The following DACH1 variants were observed in gnomAD, a reference collection of about 807,000 sequenced individuals.
The protein encoded by DACH1 is dachshund homolog 1.
In DACH1, 12 loss-of-function variants were observed where a neutral mutation model predicts 54.2. That is an observed-to-expected ratio of 0.22 (90% CI 0.14 to 0.36). The LOEUF is 0.36. Among genes scored for constraint, DACH1 ranks in the 10% least tolerant of loss-of-function variants. DACH1 has a pLI of 1.00. For missense variants in DACH1, 805 were observed against 929.8 expected (o/e 0.87, Z 1.75); for synonymous variants, 386 against 366.2 (o/e 1.05, Z -0.62).
intron 2 of DACH1, among the ~76,000 whole-genome samples, chr13:71,646,354 A>T (rs1878270650): frequency 6.6e-6 from 1 of 152,136 alleles, no homozygotes; most frequent in Admixed American, 6.5e-5. Flanking sequence ...AAAAAAGAAA[A>T]AAAAAACAAC....
intron 1 of DACH1, among the ~76,000 whole-genome samples, chr13:71,804,982 A>G (rs1271046246): frequency 6.6e-6 from 1 of 152,182 alleles, no homozygotes; most frequent in East Asian, 1.9e-4. Flanking sequence ...TTCACTGTGC[A>G]ATACAGTAGC....
At chr13:71,468,449 A>G (rs1566277285) in intron 10 of DACH1, among the ~76,000 whole-genome samples, 1 of 152,200 alleles carries the variant, frequency 6.6e-6, no homozygotes, top group Non-Finnish European at 1.5e-5. Flanking sequence ...ATTAGCTTCC[A>G]TAGAAGTGCC....
At chr13:71,803,748 G>C (rs1021227835) in intron 1 of DACH1, among the ~76,000 whole-genome samples, 2 of 152,140 alleles carry the variant, frequency 1.3e-5, no homozygotes, top group Admixed American at 1.3e-4. Flanking sequence ...CAAAGAAATA[G>C]TAAGTTTGTA....
chr13:71,581,237 C>T (rs1872830304), intron 3 of DACH1, among the ~76,000 whole-genome samples: 3 of 152,058 alleles, frequency 2.0e-5, no homozygotes, highest in Admixed American at 6.6e-5. Flanking sequence ...GGCACATGCA[C>T]ATATAATAAC....
intron 1 of DACH1, among the ~76,000 whole-genome samples, chr13:71,707,011 T>G (rs1378835325): frequency 5.3e-5 from 8 of 152,216 alleles, no homozygotes; most frequent in Non-Finnish European, 1.2e-4. Context: ...CACATTTGAA[T>G]GTTTTTATTT....
intron 6 of DACH1, among the ~76,000 whole-genome samples, chr13:71,529,183 G>GTTTTTTTTTTGTTTGTTT (rs1299574030): frequency 7.4e-5 from 6 of 80,978 alleles, no homozygotes; most frequent in African/African-American, 2.6e-4. Context: ...TGTGATTTGG[G>GTTTTTTTTTTGTTTGTTT]TTTTTTTTTT....
chr13:71,475,573 C>A, intron 9 of DACH1, 133 bp downstream of exon 9: 1 of 1,117,468 alleles, frequency 8.9e-7, no homozygotes. Flanking sequence ...TTCTTCCCAC[C>A]CTGCTTTCAG....
chr13:71,581,127 C>G (rs994389438), intron 3 of DACH1, among the ~76,000 whole-genome samples: 3 of 151,346 alleles, frequency 2.0e-5, no homozygotes, highest in African/African-American at 7.3e-5. Flanking sequence ...AGCTTCAAAT[C>G]CAGACCAATT....
chr13:71,595,152 C>A (rs1310640092), intron 3 of DACH1, among the ~76,000 whole-genome samples: 1 of 152,000 alleles, frequency 6.6e-6, no homozygotes, highest in African/African-American at 2.4e-5. Flanking sequence ...AAGAAGATGG[C>A]TGGACAATGC....
intron 6 of DACH1, among the ~76,000 whole-genome samples, chr13:71,553,758 A>G (rs1000614964): frequency 6.6e-6 from 1 of 150,786 alleles, no homozygotes; most frequent in African/African-American, 2.4e-5. Flanking sequence ...AATTTACTCA[A>G]TAGTTAAAAC....
chr13:71,687,568 G>C (rs776203984), intron 1 of DACH1, among the ~76,000 whole-genome samples: 5 of 151,988 alleles, frequency 3.3e-5, no homozygotes, highest in Non-Finnish European at 5.9e-5. Flanking sequence ...GAAGATTTTC[G>C]TTTCTCTGTC....
chr13:71,452,789 T>C (rs570619467), intron 10 of DACH1, among the ~76,000 whole-genome samples: 138 of 152,336 alleles, frequency 9.1e-4, no homozygotes, highest in African/African-American at 3.0e-3. Context: ...TTGTAAAGTT[T>C]ATGAAGTCTG....
At chr13:71,720,572 G>T (rs1883188426) in intron 1 of DACH1, among the ~76,000 whole-genome samples, 1 of 152,094 alleles carries the variant, frequency 6.6e-6, no homozygotes, top group Non-Finnish European at 1.5e-5. Context: ...ACTCCATGGT[G>T]TTTAAATTTT....
chr13:71,643,559 T>C (rs1259939637), intron 2 of DACH1, among the ~76,000 whole-genome samples: 2 of 152,232 alleles, frequency 1.3e-5, no homozygotes, highest in Admixed American at 1.3e-4. Context: ...CCATAAATTG[T>C]TACTTTATCT....
intron 1 of DACH1, among the ~76,000 whole-genome samples, chr13:71,816,455 G>C (rs1465857127): frequency 6.6e-6 from 1 of 151,416 alleles, no homozygotes; most frequent in East Asian, 1.9e-4. Context: ...ACATGCATGT[G>C]CGTGTTCAGT....
At chr13:71,646,343 A>G (rs1170385055) in intron 2 of DACH1, among the ~76,000 whole-genome samples, 1 of 152,124 alleles carries the variant, frequency 6.6e-6, no homozygotes, top group African/African-American at 2.4e-5. Flanking sequence ...GTCTCAAAAA[A>G]AAAAAAGAAA....
chr13:71,712,960 T>C (rs983124026), intron 1 of DACH1, among the ~76,000 whole-genome samples: 19 of 152,114 alleles, frequency 1.2e-4, no homozygotes, highest in Admixed American at 1.3e-4. Flanking sequence ...TTGGCTTCTA[T>C]TCCTTTATAG....
At chr13:71,835,349 C>G (rs573761788) in intron 1 of DACH1, among the ~76,000 whole-genome samples, 1 of 152,004 alleles carries the variant, frequency 6.6e-6, no homozygotes, top group East Asian at 1.9e-4. Context: ...ATGGAGAAGT[C>G]TGAATTAAAA....
At chr13:71,573,579 G>A in intron 3 of DACH1, 1 of 523,798 alleles carries the variant, frequency 1.9e-6, no homozygotes, top group Non-Finnish European at 3.5e-6. Flanking sequence ...GCTGCCTGTG[G>A]GGAATGAATA....
Sources: allele counts gnomAD v4.1 joint callset (sites outside exome capture counted in the v4.1 genomes callset), GRCh38; gene constraint gnomAD v4.1.1; transcripts MANE v1.5; gene names NCBI Gene and HGNC (gene_info 2026-07-23, HGNC 2026-07-21).